The following VWA3B variants were observed in gnomAD, a reference collection of about 807,000 sequenced individuals.
VWA3B encodes von Willebrand factor A domain containing 3B.
A neutral mutation model predicts 158.3 loss-of-function variants in VWA3B; 138 were observed. That is an observed-to-expected ratio of 0.87 (90% confidence interval 0.76 to 1.00). The LOEUF is 1.00. Among genes scored for constraint, VWA3B ranks in the 50% least tolerant of loss-of-function variants. The pLI is 0.00. For synonymous variants in VWA3B, 596 were observed against 587.3 expected (o/e 1.01, Z -0.21); for missense variants, 1,555 against 1,565.1 (o/e 0.99, Z 0.11).
intron 2 of VWA3B, among the ~76,000 whole-genome samples, chr2:98,095,049 A>C (rs950935558): frequency 6.6e-6 from 1 of 152,174 alleles, no homozygotes; most frequent in East Asian, 1.9e-4. Context: ...TTTTGAAGCC[A>C]GGTAATGTGA....
At chr2:98,213,645 T>C (rs771067439) in intron 13 of VWA3B, among the ~76,000 whole-genome samples, 10 of 152,064 alleles carry the variant, frequency 6.6e-5, no homozygotes, top group Admixed American at 3.3e-4. Flanking sequence ...AAATGCAGAT[T>C]TCAAGAAGAG....
At chr2:98,133,776 C>T (rs554399485) in intron 6 of VWA3B, 48 bp from the exon 7 acceptor site, 122 of 1,540,332 alleles carry the variant, frequency 7.9e-5, no homozygotes, top group African/African-American at 7.1e-4. Context: ...CAAGCATGCA[C>T]GGACACCTGC....
At chr2:98,245,752 G>A (rs967399601) in intron 19 of VWA3B, among the ~76,000 whole-genome samples, 1 of 152,126 alleles carries the variant, frequency 6.6e-6, no homozygotes, top group Non-Finnish European at 1.5e-5. Context: ...GACTTCTAAC[G>A]GGGTATTTTT....
intron 23 of VWA3B, among the ~76,000 whole-genome samples, chr2:98,292,732 A>G (rs1187430209): frequency 6.6e-6 from 1 of 152,192 alleles, no homozygotes; most frequent in Non-Finnish European, 1.5e-5. Flanking sequence ...TGGGAGGCCA[A>G]GGCAGGCAGA....
chr2:98,227,222 A>G (rs1254400934), intron 14 of VWA3B, among the ~76,000 whole-genome samples: 1 of 152,214 alleles, frequency 6.6e-6, no homozygotes, highest in African/African-American at 2.4e-5. Context: ...TCAATGTGCA[A>G]AAATCACAAG....
At chr2:98,230,886 T>C (rs534788776) in intron 16 of VWA3B, among the ~76,000 whole-genome samples, 6 of 152,294 alleles carry the variant, frequency 3.9e-5, no homozygotes, top group Admixed American at 2.6e-4. Context: ...TTGTATTGTC[T>C]ATGTAGAAAA....
intron 2 of VWA3B, among the ~76,000 whole-genome samples, chr2:98,115,391 T>C (rs1054001628): frequency 1.8e-4 from 28 of 152,178 alleles, no homozygotes; most frequent in Non-Finnish European, 3.2e-4. Flanking sequence ...CATGTATACA[T>C]ATGTAACAAA....
At position 98,312,196 on chromosome 2, in the gene VWA3B, C is replaced by G. The variant is rs149758481; in HGVS notation, c.3736-4C>G. Reference sequence around the variant, plus strand: ...TTAAGTAATGCTGAACTCTGCTTCCCCAGACAGCCCACCTCCACTTCCCCG... The same window carrying G: ...TTAAGTAATGCTGAACTCTGCTTCCGCAGACAGCCCACCTCCACTTCCCCG... On this transcript the variant is annotated splice_polypyrimidine_tract_variant and splice_region_variant and intron_variant, in intron 27 of 27. Coordinates refer to ENST00000477737, the MANE Select transcript of VWA3B (RefSeq NM_144992.5). 1.9e-5 allele frequency: 30 copies of G among 1,614,174 alleles called. No homozygotes were observed. The East Asian group carries it at 6.7e-4, about 36-fold the overall frequency.
intron 19 of VWA3B, among the ~76,000 whole-genome samples, chr2:98,237,766 G>A (rs1033509382): frequency 4.6e-5 from 7 of 152,174 alleles, no homozygotes; most frequent in African/African-American, 1.4e-4. Context: ...GTCACTGAAT[G>A]GAAACAATAT....
intron 25 of VWA3B, among the ~76,000 whole-genome samples, chr2:98,303,045 A>C (rs1372696642): frequency 6.6e-6 from 1 of 152,162 alleles, no homozygotes; most frequent in Non-Finnish European, 1.5e-5. Context: ...GAGCATGGGG[A>C]AGCCTTCCCC....
chr2:98,215,556 C>A (rs1683912945), intron 13 of VWA3B, among the ~76,000 whole-genome samples: 1 of 151,502 alleles, frequency 6.6e-6, no homozygotes, highest in Non-Finnish European at 1.5e-5. Flanking sequence ...CTGGCTCTGT[C>A]GCCCAGGCTA....
chr2:98,100,318 G>A (rs1300021988), intron 2 of VWA3B, among the ~76,000 whole-genome samples: 1 of 152,198 alleles, frequency 6.6e-6, no homozygotes, highest in Non-Finnish European at 1.5e-5. Context: ...GGTGTCCTAA[G>A]CCCAGGACCA....
rs1051803569 is a variant in VWA3B, at chr2:98,114,330, A to G, written c.197-1322A>G. Among the ~76,000 whole-genome samples, 11 of 152,348 alleles carry G rather than the reference A, an allele frequency of 7.2e-5. 1 individual carries two copies. The South Asian group carries it at 2.3e-3, about 32-fold the overall frequency. ...CTAGTGATATTTAGTCACTTCATCAATGTCAGCTAAGAAGGTGAAATATTG... is the reference window on the plus strand; with the variant it reads ...CTAGTGATATTTAGTCACTTCATCAGTGTCAGCTAAGAAGGTGAAATATTG... On this transcript the variant is annotated intron_variant, in intron 2 of 27. Coordinates refer to ENST00000477737, the MANE Select transcript of VWA3B (RefSeq NM_144992.5).
At chr2:98,323,005 C>G in the VWA3B span, among the ~76,000 whole-genome samples, 7 of 152,070 alleles carry the variant, frequency 4.6e-5, no homozygotes, top group South Asian at 2.1e-4. Flanking sequence ...CAAGAAAAAC[C>G]CTTAAGAACA....
At position 98,270,966 on chromosome 2, in the gene VWA3B, G is replaced by A. The variant is rs1242051072; in HGVS notation, c.3045+83G>A. On this transcript the variant is annotated intron_variant, in intron 22 of 27. Transcript: ENST00000477737. ...CATTCCTACATTGGCTTCCTTCTCT[G>A]TCTCCCACTCCCCGCCACACTGATT... 3 of 1,351,830 alleles carry A rather than the reference G, an allele frequency of 2.2e-6. No homozygotes were observed. In the Admixed American group the frequency reaches 5.9e-5, roughly 27 times the overall value. 83.7% of individuals were successfully genotyped at this position (1,351,830 alleles called of 1,614,324 possible). A position where few individuals can be genotyped will look rare whatever the true frequency, so the allele number is the denominator to read the frequency against.
intron 26 of VWA3B, among the ~76,000 whole-genome samples, chr2:98,310,394 G>A (rs774810621): frequency 1.2e-4 from 18 of 152,122 alleles, no homozygotes; most frequent in Non-Finnish European, 1.9e-4. Flanking sequence ...CCAGGCAGGG[G>A]GGTAGGCATC....
intron 12 of VWA3B, among the ~76,000 whole-genome samples, chr2:98,202,879 C>G (rs913335221): frequency 6.6e-6 from 1 of 152,130 alleles, no homozygotes; most frequent in Non-Finnish European, 1.5e-5. Flanking sequence ...GTCGCCCAGG[C>G]TGGACTGCAG....
intron 7 of VWA3B, among the ~76,000 whole-genome samples, chr2:98,154,061 C>T (rs1248491064): frequency 2.0e-5 from 3 of 152,114 alleles, no homozygotes; most frequent in African/African-American, 4.8e-5. Context: ...GGGGTTTCAC[C>T]ATGTTGGCCA....
intron 26 of VWA3B, among the ~76,000 whole-genome samples, chr2:98,308,482 CCTT>C (rs1373821422): frequency 6.6e-6 from 1 of 152,228 alleles, no homozygotes; most frequent in African/African-American, 2.4e-5. Context: ...CCCATGTGGT[CCTT>C]CTCAATAACT....
Sources: gnomAD v4.1 joint callset for allele counts (sites outside exome capture counted in the v4.1 genomes callset) on GRCh38, gnomAD v4.1.1 for gene constraint, MANE v1.5 for transcripts, NCBI Gene and HGNC (gene_info 2026-07-23, HGNC 2026-07-21) for gene names.